Variants in MARCHF1 observed in about 807,000 individuals in gnomAD.
The protein encoded by MARCHF1 is E3 ubiquitin-protein ligase MARCHF1.
MARCHF1 carries 40 observed loss-of-function variants against 54.2 expected under a neutral mutation model. The ratio of observed to expected loss-of-function variants is 0.74; its 90% confidence interval spans 0.57 to 0.96. The LOEUF (loss-of-function observed/expected upper bound fraction) is 0.96, where lower values mean the gene tolerates loss of function less well. Ranked by LOEUF, MARCHF1 falls within the 40% of genes least tolerant of loss-of-function variation. MARCHF1 has a pLI of 0.00. For synonymous variants in MARCHF1, 236 were observed against 236.3 expected, an observed-to-expected ratio of 1.00 and a Z score of 0.01; for missense variants, 586 against 656.5, an observed-to-expected ratio of 0.89 and a Z score of 1.17.
chr4:163,636,846 T>C (rs1742347778), intron 5 of MARCHF1, among the ~76,000 whole-genome samples: 1 of 152,170 alleles, frequency 6.6e-6, no homozygotes. Flanking sequence ...CTTCTAACTA[T>C]ACTACAAGGC....
chr4:164,219,167 A>G (rs1166725542), intron 1 of MARCHF1, among the ~76,000 whole-genome samples: 1 of 152,134 alleles, frequency 6.6e-6, no homozygotes, highest in Non-Finnish European at 1.5e-5. Context: ...AAGGAAGATT[A>G]TAGTGGTGCT....
At chr4:163,983,702 T>C (rs960992129) in intron 3 of MARCHF1, among the ~76,000 whole-genome samples, 4 of 152,202 alleles carry the variant, frequency 2.6e-5, no homozygotes, top group East Asian at 1.9e-4. Flanking sequence ...TTGTGTGACA[T>C]TGGCAAACTC....
chr4:164,007,103 T>C (rs984712676), intron 2 of MARCHF1, among the ~76,000 whole-genome samples: 10 of 145,548 alleles, frequency 6.9e-5, no homozygotes, highest in African/African-American at 2.5e-4. Context: ...CTTTGGGACT[T>C]TGGGAGGCCG....
chr4:164,342,763 G>A (rs188867042), intron 1 of MARCHF1, among the ~76,000 whole-genome samples: 113 of 151,842 alleles, frequency 7.4e-4, no homozygotes, highest in Non-Finnish European at 1.3e-3. Context: ...GTGTATATAC[G>A]CAAACACACA....
At chr4:163,681,268 T>C (rs1744093295) in intron 5 of MARCHF1, among the ~76,000 whole-genome samples, 1 of 152,028 alleles carries the variant, frequency 6.6e-6, no homozygotes, top group Admixed American at 6.6e-5. Flanking sequence ...GAAAGATTGA[T>C]AGAAAAAAAG....
chr4:163,965,611 C>CTACT (rs1034318046), intron 3 of MARCHF1, among the ~76,000 whole-genome samples: 2 of 152,046 alleles, frequency 1.3e-5, no homozygotes, highest in African/African-American at 4.8e-5. Context: ...GTCTCTAGTA[C>CTACT]TACTGTACAT....
rs77911645 is a variant in MARCHF1, at chr4:164,164,611, T to C, written c.-322-52949A>G. ...TTAGGTGACTGTAATTGGTGAGTTGTACATGTTACAATGTCTATGCAAATA... is the reference window on the plus strand; with the variant it reads ...TTAGGTGACTGTAATTGGTGAGTTGCACATGTTACAATGTCTATGCAAATA... On this transcript the variant is annotated intron_variant, in intron 1 of 9. Transcript: ENST00000514618. Among the ~76,000 whole-genome samples, 101 of 152,162 alleles carry C rather than the reference T, an allele frequency of 6.6e-4. 1 individual carries two copies. In the East Asian group the frequency reaches 0.018, roughly 27 times the overall value.
chr4:163,672,069 T>A (rs1189890792), intron 5 of MARCHF1, among the ~76,000 whole-genome samples: 1 of 152,128 alleles, frequency 6.6e-6, no homozygotes, highest in African/African-American at 2.4e-5. Context: ...GGACTAAGAG[T>A]GCAGGCTCAG....
intron 3 of MARCHF1, among the ~76,000 whole-genome samples, chr4:163,906,724 A>G (rs1751075951): frequency 8.0e-6 from 1 of 125,546 alleles, no homozygotes; most frequent in Non-Finnish European, 1.9e-5. Context: ...TAGACAAATA[A>G]AAAAAAAGAA....
intron 4 of MARCHF1, among the ~76,000 whole-genome samples, chr4:163,804,809 C>G (rs6819162): frequency 2.7e-4 from 41 of 152,210 alleles, no homozygotes; most frequent in African/African-American, 9.6e-4. Context: ...CCATTTTTCA[C>G]GGCATTCCCT....
At chr4:164,160,431 T>G (rs1249000408) in intron 1 of MARCHF1, among the ~76,000 whole-genome samples, 1 of 152,196 alleles carries the variant, frequency 6.6e-6, no homozygotes, top group African/African-American at 2.4e-5. Flanking sequence ...AATATGGTAT[T>G]ATAATTTTAC....
chr4:164,026,087 CCTGAT>C (rs1753760507), intron 2 of MARCHF1, among the ~76,000 whole-genome samples: 1 of 151,756 alleles, frequency 6.6e-6, no homozygotes, highest in African/African-American at 2.4e-5. Context: ...TAAAAAGAAA[CCTGAT>C]AACAACAACA....
intron 1 of MARCHF1, among the ~76,000 whole-genome samples, chr4:164,194,774 C>CTAATTAAATAATAAGTAAATAATAA (rs1731209435): frequency 1.3e-5 from 2 of 151,974 alleles, no homozygotes; most frequent in Non-Finnish European, 2.9e-5. Flanking sequence ...TTGTGTTATA[C>CTAATTAAATAATAAGTAAATAATAA]TAATTAAATA....
intron 4 of MARCHF1, among the ~76,000 whole-genome samples, chr4:163,761,962 T>C (rs1321889587): frequency 6.6e-6 from 1 of 152,226 alleles, no homozygotes; most frequent in Non-Finnish European, 1.5e-5. Flanking sequence ...ATACATTGTC[T>C]GATGTCATCA....
At chr4:163,638,364 A>T (rs1048867300) in intron 5 of MARCHF1, among the ~76,000 whole-genome samples, 2 of 151,880 alleles carry the variant, frequency 1.3e-5, no homozygotes, top group African/African-American at 4.8e-5. Context: ...CGTCTTGGTG[A>T]TGAGTGAGTT....
intron 4 of MARCHF1, among the ~76,000 whole-genome samples, chr4:163,760,982 G>A (rs547297510): frequency 6.6e-6 from 1 of 152,160 alleles, no homozygotes; most frequent in African/African-American, 2.4e-5. Context: ...AGACTCCATG[G>A]AAAACGTTTA....
intron 4 of MARCHF1, among the ~76,000 whole-genome samples, chr4:163,734,409 T>C (rs1323525486): frequency 6.6e-6 from 1 of 152,014 alleles, no homozygotes; most frequent in African/African-American, 2.4e-5. Context: ...AACAGCAAAA[T>C]ACTGGGGAAA....
intron 2 of MARCHF1, among the ~76,000 whole-genome samples, chr4:164,109,300 G>T (rs1043947473): frequency 1.3e-5 from 2 of 151,854 alleles, no homozygotes; most frequent in African/African-American, 2.4e-5. Context: ...TTACTTTCAA[G>T]GTCTCTCAAA....
chr4:163,677,755 C>T (rs137922657), intron 5 of MARCHF1, among the ~76,000 whole-genome samples: 6 of 152,304 alleles, frequency 3.9e-5, no homozygotes, highest in South Asian at 4.1e-4. Context: ...TTCTACCTCT[C>T]GCACATTTAA....
Sources: allele counts gnomAD v4.1 joint callset (sites outside exome capture counted in the v4.1 genomes callset), GRCh38; gene constraint gnomAD v4.1.1; transcripts MANE v1.5; gene names NCBI Gene and HGNC (gene_info 2026-07-23, HGNC 2026-07-21).